LRP6: variants seen among roughly 807,000 people sequenced by gnomAD.
LRP6 encodes low-density lipoprotein receptor-related protein 6.
In LRP6, 43 loss-of-function variants were observed where a neutral mutation model predicts 184.1. The observed-to-expected ratio is 0.23, with a 90% CI of 0.18 to 0.30. The LOEUF (loss-of-function observed/expected upper bound fraction) is 0.30. Ranked by LOEUF, LRP6 falls within the 10% of genes least tolerant of loss-of-function variation. The pLI is 1.00. For missense variants in LRP6, 1,571 were observed against 2,005.3 expected, an observed-to-expected ratio of 0.78 and a Z score of 4.14; for synonymous variants, 719 against 684.9, an observed-to-expected ratio of 1.05 and a Z score of -0.78.
chr12:12,266,991 T>TC lies in LRP6; in HGVS notation c.-257dup, dbSNP rs987228636. 12 of 519,838 alleles carry TC rather than the reference T, an allele frequency of 2.3e-5. No homozygotes were observed. The highest frequency in any genetic ancestry group is 4.0e-5 in the Non-Finnish European group (12 of 297,688). 32.2% of individuals were successfully genotyped at this position (519,838 alleles called of 1,614,324 possible). ...CCGCCTCCTCCCCCGGCGCCCCGCT[T>TC]CCCCCGCGCAGCTCCTCATTCAGCC... On this transcript the variant is annotated 5_prime_UTR_variant, in exon 1 of 23. It removes the in-frame stop codon of an upstream open reading frame in the 5' UTR. Transcript: ENST00000261349.
intron 2 of LRP6, among the ~76,000 whole-genome samples, chr12:12,206,772 A>G (rs1374420231): frequency 1.3e-5 from 2 of 151,958 alleles, no homozygotes; most frequent in African/African-American, 4.8e-5. Flanking sequence ...TAATAATAAA[A>G]TAAAATTGGA....
intron 7 of LRP6, among the ~76,000 whole-genome samples, chr12:12,167,641 C>CA (rs375921278): frequency 0.031 from 3,655 of 118,862 alleles, 125 homozygotes; most frequent in African/African-American, 0.098. Context: ...GACTCTGTCT[C>CA]AAAAAAAAAA....
At chr12:12,229,740 A>C (rs1298921445) in intron 2 of LRP6, among the ~76,000 whole-genome samples, 1 of 152,220 alleles carries the variant, frequency 6.6e-6, no homozygotes, top group East Asian at 1.9e-4. Context: ...TGTGATAAAT[A>C]TCTCCCTTGG....
chr12:12,187,751 T>G (rs1565620615), intron 3 of LRP6, among the ~76,000 whole-genome samples: 1 of 152,282 alleles, frequency 6.6e-6, no homozygotes, highest in South Asian at 2.1e-4. Context: ...TTTCACTATA[T>G]TCAGGCAGCC....
At chr12:12,215,631 G>A (rs886958751) in intron 2 of LRP6, among the ~76,000 whole-genome samples, 4 of 151,782 alleles carry the variant, frequency 2.6e-5, no homozygotes, top group South Asian at 2.1e-4. Context: ...GATTACAGGC[G>A]TGAGCCACCG....
intron 3 of LRP6, among the ~76,000 whole-genome samples, chr12:12,189,422 T>C (rs1449786633): frequency 6.6e-6 from 1 of 152,242 alleles, no homozygotes; most frequent in Admixed American, 6.5e-5. Context: ...ATTTACAATG[T>C]GAATATTTCA....
chr12:12,212,968 G>T (rs1864249381), intron 2 of LRP6, among the ~76,000 whole-genome samples: 2 of 152,140 alleles, frequency 1.3e-5, no homozygotes, highest in African/African-American at 4.8e-5. Context: ...AAAGAAATGT[G>T]TCACTGTGGA....
Position 12,204,442 on chromosome 12 carries a change from T to C in LRP6, c.450-1042A>G, listed in dbSNP as rs551996432. The stretch of plus-strand genomic sequence containing the variant: ...GAGAAAAGGCAAAACTGATGTAGTG[T>C]CAAATTGCATAGTACTGTACTAATG... On this transcript the variant is annotated intron_variant, in intron 2 of 22. Transcript: ENST00000261349. Among the ~76,000 whole-genome samples, 220 of 152,228 alleles carry C rather than the reference T, an allele frequency of 1.4e-3. 1 individual carries two copies. The highest frequency in any genetic ancestry group is 4.8e-3 in the African/African-American group (201 of 41,554).
chr12:12,126,454 T>C (rs1418242389), intron 20 of LRP6, among the ~76,000 whole-genome samples: 1 of 152,230 alleles, frequency 6.6e-6, no homozygotes, highest in Non-Finnish European at 1.5e-5. Context: ...CAGAGAGGCT[T>C]AGAGCTTGCA....
At chr12:12,220,008 T>A (rs1223813104) in intron 2 of LRP6, among the ~76,000 whole-genome samples, 3 of 152,056 alleles carry the variant, frequency 2.0e-5, no homozygotes, top group East Asian at 1.9e-4. Context: ...TCCTTCCAGC[T>A]GGGCACGGTG....
chr12:12,151,115 TTGTA>T, intron 12 of LRP6, 77 bp from the exon 13 acceptor site: 1 of 1,236,178 alleles, frequency 8.1e-7, no homozygotes, highest in Non-Finnish European at 1.2e-6. Flanking sequence ...GATCAGCCTG[TTGTA>T]TGTATTTCAT....
rs183856980 is a variant in LRP6 at position 12,184,219 on chromosome 12, A to G, written c.845-108T>C. On this transcript the variant is annotated intron_variant, in intron 4 of 22. Coordinates refer to ENST00000261349, the MANE Select transcript of LRP6 (RefSeq NM_002336.3). Reference sequence around the variant, plus strand: ...TAAGCCAAAATTATTACCAAATGTCATGCAGGTGCTTGACTATCAAACCAT... The same window carrying G: ...TAAGCCAAAATTATTACCAAATGTCGTGCAGGTGCTTGACTATCAAACCAT... 1,679 of 882,128 alleles carry G rather than the reference A, an allele frequency of 1.9e-3. 9 individuals carry two copies. Among genetic ancestry groups the G allele is most frequent in the Non-Finnish European group, 2.8e-3 (1,463 of 528,758 alleles). The allele number at this position is 882,128 out of a possible 1,614,324, so 54.6% of individuals were successfully genotyped here. A position where few individuals can be genotyped will look rare whatever the true frequency, so the allele number is the denominator to read the frequency against.
At chr12:12,256,750 G>C (rs968099497) in intron 1 of LRP6, among the ~76,000 whole-genome samples, 3 of 152,172 alleles carry the variant, frequency 2.0e-5, no homozygotes, top group African/African-American at 7.2e-5. Context: ...AGGTTGCAGT[G>C]AGCAGAGATT....
At chr12:12,206,376 A>G (rs1007042666) in intron 2 of LRP6, among the ~76,000 whole-genome samples, 1 of 151,654 alleles carries the variant, frequency 6.6e-6, no homozygotes, top group Non-Finnish European at 1.5e-5. Flanking sequence ...CCCTGTCTCT[A>G]TTAAAAATAC....
At chr12:12,207,918 G>A (rs1270272676) in intron 2 of LRP6, among the ~76,000 whole-genome samples, 1 of 152,128 alleles carries the variant, frequency 6.6e-6, no homozygotes, top group African/African-American at 2.4e-5. Context: ...CAGTGACACA[G>A]AGGCAATCCC....
Position 12,124,669 on chromosome 12 carries a change from G to GA in LRP6, c.4450-8dup, listed in dbSNP as rs139978705. The GA allele has an allele frequency of 5.9e-5, 92 of 1,547,180 alleles. No individual in the cohort carries two copies. The highest frequency in any genetic ancestry group is 1.9e-4 in the African/African-American group (14 of 73,092). On this transcript the variant is annotated splice_polypyrimidine_tract_variant and splice_region_variant and intron_variant, in intron 21 of 22. Coordinates refer to ENST00000261349, the MANE Select transcript of LRP6 (RefSeq NM_002336.3). The stretch of plus-strand genomic sequence containing the variant: ...ATGGTGGAGGGTTCAAAATCTAAAA[G>GA]AAAAAAATAATTAAAATATTAAAAT...
At chr12:12,193,198 G>T (rs1467384444) in intron 3 of LRP6, among the ~76,000 whole-genome samples, 1 of 151,778 alleles carries the variant, frequency 6.6e-6, no homozygotes, top group Non-Finnish European at 1.5e-5. Context: ...TAAATATTTT[G>T]AGCTAAAAGA....
At chr12:12,126,944 G>A in intron 19 of LRP6, 23 bp from the exon 20 acceptor site, 1 of 1,570,870 alleles carries the variant, frequency 6.4e-7, no homozygotes, top group Non-Finnish European at 8.8e-7. Context: ...ATGCAGTATG[G>A]TTATTTAATA....
intron 12 of LRP6, among the ~76,000 whole-genome samples, chr12:12,151,902 C>T (rs1288257719): frequency 6.6e-6 from 1 of 152,030 alleles, no homozygotes; most frequent in Non-Finnish European, 1.5e-5. Flanking sequence ...TATTAACAGG[C>T]ACTGAAACCT....
Sources: gnomAD v4.1 joint callset for allele counts (sites outside exome capture counted in the v4.1 genomes callset) on GRCh38, gnomAD v4.1.1 for gene constraint, MANE v1.5 for transcripts, NCBI Gene and HGNC (gene_info 2026-07-23, HGNC 2026-07-21) for gene names.